The following CYP2J2 variants were observed in gnomAD, a reference collection of about 807,000 sequenced individuals.
CYP2J2 encodes cytochrome P450 2J2.
A neutral mutation model predicts 48.8 loss-of-function variants in CYP2J2; 41 were observed. The ratio of observed to expected loss-of-function variants is 0.84; its 90% confidence interval spans 0.66 to 1.09. CYP2J2 has a LOEUF of 1.09. CYP2J2 is among the 50% of genes least tolerant of loss of function. The pLI, the probability that CYP2J2 is intolerant of heterozygous loss-of-function variation, is 0.00. For synonymous variants in CYP2J2, 221 were observed against 227.1 expected (o/e 0.97, Z 0.24); for missense variants, 644 against 617.3 (o/e 1.04, Z -0.46).
chr1:59,965,110 G>T, the CYP2J2 span, among the ~76,000 whole-genome samples: 1 of 152,230 alleles, frequency 6.6e-6, no homozygotes, highest in Non-Finnish European at 1.5e-5. Flanking sequence ...TGTGTTAGAT[G>T]AGCTGAATTG....
rs1644461392 is a variant in CYP2J2, at chr1:59,915,971, T to C, written c.340A>G (p.Thr114Ala). 8.1e-6 allele frequency: 13 copies of C among 1,613,930 alleles called. No individual in the cohort carries two copies. The East Asian group carries it at 2.9e-4, about 36-fold the overall frequency. Residue 114 changes from threonine (T) to alanine (A), a missense_variant, in exon 2 of 9, where the codon ACC becomes GCC. Thr to Ala is a moderately conservative substitution (Grantham distance 58). Coordinates refer to ENST00000371204, the MANE Select transcript of CYP2J2 (RefSeq NM_000775.4). ...TTAAAGATATGTTCTCGCATAGGGGTCACGGGGCGGTTCCCAAAGTTTTGG... is the reference window on the plus strand; with the variant it reads ...TTAAAGATATGTTCTCGCATAGGGGCCACGGGGCGGTTCCCAAAGTTTTGG... ...MDQNFGNRPV[T>A]PMREHIFKKN...
chr1:59,927,939 C>T (rs1370983565), upstream of CYP2J2, among the ~76,000 whole-genome samples: 1 of 152,158 alleles, frequency 6.6e-6, no homozygotes, highest in Non-Finnish European at 1.5e-5. Context: ...TAGCTTTTAT[C>T]CTTCTAGTCC....
chr1:59,953,346 A>G, the CYP2J2 span, among the ~76,000 whole-genome samples: 66 of 152,306 alleles, frequency 4.3e-4, no homozygotes, highest in African/African-American at 1.4e-3. Context: ...TCTAGGTCCT[A>G]GAACTATGGT....
At chr1:59,943,483 C>T in the CYP2J2 span, among the ~76,000 whole-genome samples, 2 of 152,136 alleles carry the variant, frequency 1.3e-5, no homozygotes, top group Admixed American at 1.3e-4. Flanking sequence ...TGGGGCAATG[C>T]AGAGATTAGC....
the CYP2J2 span, among the ~76,000 whole-genome samples, chr1:59,947,745 A>G: frequency 6.6e-6 from 1 of 152,176 alleles, no homozygotes; most frequent in Non-Finnish European, 1.5e-5. Flanking sequence ...AATCTGGGCC[A>G]GCTTAACTTC....
At chr1:59,941,751 A>G in the CYP2J2 span, among the ~76,000 whole-genome samples, 5 of 150,874 alleles carry the variant, frequency 3.3e-5, no homozygotes, top group Non-Finnish European at 5.9e-5. Flanking sequence ...AAATGTTTTA[A>G]AAGTTTAAAA....
At chr1:59,909,617 C>G (rs1005468582) in intron 5 of CYP2J2, among the ~76,000 whole-genome samples, 167 bp downstream of exon 5, 1 of 152,204 alleles carries the variant, frequency 6.6e-6, no homozygotes, top group Non-Finnish European at 1.5e-5. Context: ...TTATCTGTAA[C>G]CCAGTGAAGC....
At chr1:59,926,510 A>G in intron 1 of CYP2J2, 27 bp downstream of exon 1, 9 of 1,591,100 alleles carry the variant, frequency 5.7e-6, no homozygotes, top group Non-Finnish European at 7.8e-6. Flanking sequence ...GGGTCAGGAC[A>G]CGCTAGGCAC....
the CYP2J2 span, among the ~76,000 whole-genome samples, chr1:59,955,139 A>C: frequency 6.9e-6 from 1 of 144,098 alleles, no homozygotes; most frequent in East Asian, 2.3e-4. Flanking sequence ...CATCTCCAAA[A>C]TTAAAATAAA....
At chr1:59,908,220 G>C (rs1182847784) in intron 5 of CYP2J2, among the ~76,000 whole-genome samples, 7 of 152,148 alleles carry the variant, frequency 4.6e-5, no homozygotes. Context: ...GGATGTGAAC[G>C]AGACAGATTT....
At chr1:59,896,474 C>T (rs1267761477) in intron 8 of CYP2J2, among the ~76,000 whole-genome samples, 1 of 152,050 alleles carries the variant, frequency 6.6e-6, no homozygotes, top group Non-Finnish European at 1.5e-5. Flanking sequence ...TTCTCCCTTT[C>T]TTTATTTGCA....
chr1:59,954,558 C>T, the CYP2J2 span, among the ~76,000 whole-genome samples: 2 of 138,790 alleles, frequency 1.4e-5, no homozygotes, highest in Non-Finnish European at 3.0e-5. Context: ...GAACATAATA[C>T]TTAATAATAT....
At chr1:59,921,473 T>A (rs1644514717) in intron 1 of CYP2J2, among the ~76,000 whole-genome samples, 1 of 151,992 alleles carries the variant, frequency 6.6e-6, no homozygotes, top group Non-Finnish European at 1.5e-5. Context: ...GAAAAGCAGA[T>A]GATCATAGCT....
rs187933411 is a variant in CYP2J2, at chr1:59,921,594, C to T, written c.210+4943G>A. On this transcript the variant is annotated intron_variant, in intron 1 of 8. Transcript: ENST00000371204. ...ACGCCCTTATCTTGCCACGGCTCTTCTAGGTCTCTTTAGGGTTAAGGCATA... is the reference window on the plus strand; with the variant it reads ...ACGCCCTTATCTTGCCACGGCTCTTTTAGGTCTCTTTAGGGTTAAGGCATA... Among the ~76,000 whole-genome samples, 71 of 152,058 alleles carry T rather than the reference C, an allele frequency of 4.7e-4. 2 individuals are homozygous for T. In the Middle Eastern group the frequency reaches 0.034, roughly 73 times the overall value.
the CYP2J2 span, among the ~76,000 whole-genome samples, chr1:59,940,036 T>C: frequency 6.6e-6 from 1 of 152,134 alleles, no homozygotes; most frequent in Non-Finnish European, 1.5e-5. Context: ...AGGCCTGGAA[T>C]TGCAGACTCC....
chr1:59,932,007 C>T, the CYP2J2 span, among the ~76,000 whole-genome samples: 1 of 152,084 alleles, frequency 6.6e-6, no homozygotes. Context: ...TTAGTTTAAA[C>T]ATTAATTGAT....
chr1:59,951,662 C>T, the CYP2J2 span, among the ~76,000 whole-genome samples: 1 of 152,082 alleles, frequency 6.6e-6, no homozygotes, highest in South Asian at 2.1e-4. Context: ...TCTGAAAACC[C>T]CTTCTGACCT....
chr1:59,905,468 C>T (rs1465197447), intron 6 of CYP2J2, among the ~76,000 whole-genome samples: 1 of 152,316 alleles, frequency 6.6e-6, no homozygotes, highest in Non-Finnish European at 1.5e-5. Context: ...AAAGGCCCCA[C>T]CTCCTAATAT....
the CYP2J2 span, among the ~76,000 whole-genome samples, chr1:59,948,999 G>A: frequency 2.6e-5 from 4 of 151,820 alleles, no homozygotes; most frequent in East Asian, 7.7e-4. Flanking sequence ...CCTGTGAATG[G>A]TCACTGCACT....
Sources: gnomAD v4.1 joint callset for allele counts (sites outside exome capture counted in the v4.1 genomes callset) on GRCh38, gnomAD v4.1.1 for gene constraint, MANE v1.5 for transcripts, NCBI Gene and HGNC (gene_info 2026-07-23, HGNC 2026-07-21) for gene names.